The following MAML2 variants were observed in gnomAD, a reference collection of about 807,000 sequenced individuals.
MAML2 encodes the protein mastermind like transcriptional coactivator 2, also known as mastermind-like protein 2.
MAML2 carries 22 observed loss-of-function variants against 96.1 expected under a neutral mutation model. The ratio of observed to expected loss-of-function variants is 0.23; its 90% CI spans 0.16 to 0.33. The LOEUF (loss-of-function observed/expected upper bound fraction) is 0.33, where lower values mean the gene tolerates loss of function less well. Among genes scored for constraint, MAML2 ranks in the 10% least tolerant of loss-of-function variants. The pLI, the probability that MAML2 is intolerant of heterozygous loss-of-function variation, is 1.00. For missense variants in MAML2, 1,367 were observed against 1,392.4 expected (o/e 0.98, Z 0.29); for synonymous variants, 561 against 521.3 (o/e 1.08, Z -1.04).
chr11:96,262,107 G>A (rs543001920), intron 1 of MAML2, among the ~76,000 whole-genome samples: 13 of 152,244 alleles, frequency 8.5e-5, no homozygotes, highest in Admixed American at 2.6e-4. Context: ...CCAGAAATCC[G>A]TATTTTTCAC....
chr11:96,196,335 G>A (rs918369411), intron 1 of MAML2, among the ~76,000 whole-genome samples: 4 of 152,214 alleles, frequency 2.6e-5, no homozygotes, highest in African/African-American at 9.7e-5. Context: ...CTTCAGACAA[G>A]GACTCGGCTT....
intron 2 of MAML2, among the ~76,000 whole-genome samples, chr11:96,053,667 C>G (rs1014744689): frequency 3.3e-5 from 5 of 152,092 alleles, no homozygotes; most frequent in African/African-American, 1.2e-4. Context: ...GGAGAAAACA[C>G]TATCAAATTT....
At chr11:96,241,672 G>A (rs117456624) in intron 1 of MAML2, among the ~76,000 whole-genome samples, 1 of 152,200 alleles carries the variant, frequency 6.6e-6, no homozygotes, top group East Asian at 1.9e-4. Context: ...CAGAGTGAGT[G>A]TCCCTGGGAC....
intron 1 of MAML2, among the ~76,000 whole-genome samples, chr11:96,248,608 C>T (rs1041012907): frequency 1.3e-5 from 2 of 152,154 alleles, no homozygotes; most frequent in African/African-American, 4.8e-5. Context: ...TCCCTGCTTT[C>T]TCCTTTTTCA....
chr11:96,341,133 C>T (rs1462680349), intron 1 of MAML2, among the ~76,000 whole-genome samples: 1 of 152,098 alleles, frequency 6.6e-6, no homozygotes, highest in African/African-American at 2.4e-5. Context: ...CAGAGAGCCT[C>T]TGGAAAACTC....
chr11:96,099,571 G>A (rs1175562018), intron 1 of MAML2, among the ~76,000 whole-genome samples: 1 of 152,124 alleles, frequency 6.6e-6, no homozygotes, highest in Admixed American at 6.5e-5. Flanking sequence ...GTTTCTTTCA[G>A]TACCTACCAC....
intron 2 of MAML2, among the ~76,000 whole-genome samples, chr11:96,007,094 T>C (rs995360375): frequency 3.3e-5 from 5 of 150,840 alleles, no homozygotes; most frequent in African/African-American, 1.2e-4. Flanking sequence ...CCTCCCCCTC[T>C]TGAGTTCAAG....
chr11:96,095,591 A>G (rs1859811862), intron 1 of MAML2, among the ~76,000 whole-genome samples: 1 of 152,196 alleles, frequency 6.6e-6, no homozygotes, highest in Non-Finnish European at 1.5e-5. Context: ...CTAGAGCCAT[A>G]GAGGAAGCAA....
chr11:96,026,601 C>T (rs1858523234), intron 2 of MAML2, among the ~76,000 whole-genome samples: 1 of 151,982 alleles, frequency 6.6e-6, no homozygotes, highest in Non-Finnish European at 1.5e-5. Context: ...TTTATGTAAC[C>T]CTCTCTACAG....
intron 1 of MAML2, among the ~76,000 whole-genome samples, chr11:96,302,274 A>G (rs1053683543): frequency 6.6e-6 from 1 of 152,260 alleles, no homozygotes; most frequent in African/African-American, 2.4e-5. Flanking sequence ...TTTGTTGATT[A>G]AAATTCATTG....
At chr11:96,048,450 TA>T (rs777127919) in intron 2 of MAML2, among the ~76,000 whole-genome samples, 48 of 152,342 alleles carry the variant, frequency 3.2e-4, no homozygotes, top group Non-Finnish European at 6.0e-4. Flanking sequence ...TGAATTTTTT[TA>T]TACAACTAAT....
intron 1 of MAML2, among the ~76,000 whole-genome samples, chr11:96,146,772 T>C (rs78899941): frequency 2.2e-4 from 34 of 152,342 alleles, no homozygotes; most frequent in African/African-American, 7.7e-4. Context: ...TTGACAGTTG[T>C]TCATTTGGGT....
chr11:96,204,086 G>A (rs1004884907), intron 1 of MAML2, among the ~76,000 whole-genome samples: 6 of 152,104 alleles, frequency 3.9e-5, no homozygotes, highest in African/African-American at 1.4e-4. Context: ...CTGAGGGAGG[G>A]AGAGGTTTCT....
At chr11:96,108,175 T>C (rs1283024774) in intron 1 of MAML2, among the ~76,000 whole-genome samples, 10 of 152,290 alleles carry the variant, frequency 6.6e-5, no homozygotes, top group Non-Finnish European at 1.2e-4. Context: ...AGTGTAATAA[T>C]TGAGTTAATT....
chr11:96,288,313 G>A (rs552216983), intron 1 of MAML2, among the ~76,000 whole-genome samples: 24 of 152,120 alleles, frequency 1.6e-4, no homozygotes, highest in Admixed American at 1.2e-3. Flanking sequence ...AGGTCGAGGC[G>A]GGTGGATCAC....
At chr11:96,017,672 T>C (rs1183957830) in intron 2 of MAML2, among the ~76,000 whole-genome samples, 1 of 152,048 alleles carries the variant, frequency 6.6e-6, no homozygotes, top group Non-Finnish European at 1.5e-5. Flanking sequence ...TAGGATAAGA[T>C]GACATTGGAC....
intron 1 of MAML2, among the ~76,000 whole-genome samples, chr11:96,096,967 T>G (rs1335632559): frequency 6.6e-6 from 1 of 151,970 alleles, no homozygotes; most frequent in African/African-American, 2.4e-5. Context: ...ATTTTGGGGA[T>G]AGGCTGTGCC....
chr11:96,322,568 T>C (rs1056575785), intron 1 of MAML2, among the ~76,000 whole-genome samples: 15 of 151,946 alleles, frequency 9.9e-5, no homozygotes, highest in African/African-American at 3.6e-4. Context: ...GGCGGGCGCC[T>C]GTATTCCCAG....
At chr11:96,126,905 TGGG>T (rs36054141) in intron 1 of MAML2, among the ~76,000 whole-genome samples, 3 of 146,126 alleles carry the variant, frequency 2.1e-5, no homozygotes, top group Non-Finnish European at 3.1e-5. Flanking sequence ...GGTATGGACA[TGGG>T]GGGGGTCAAA....
Sources: gnomAD v4.1 joint callset for allele counts (sites outside exome capture counted in the v4.1 genomes callset) on GRCh38, gnomAD v4.1.1 for gene constraint, MANE v1.5 for transcripts, NCBI Gene and HGNC (gene_info 2026-07-23, HGNC 2026-07-21) for gene names.